Variants in CCDC82 observed in about 807,000 individuals in gnomAD.
CCDC82 encodes coiled-coil domain containing 82, also known as coiled-coil domain-containing protein 82.
Under a neutral mutation model 60.6 loss-of-function variants are expected in CCDC82, and 47 were observed. The ratio of observed to expected loss-of-function variants is 0.77; its 90% CI spans 0.61 to 0.99. The LOEUF is 0.99. CCDC82 is among the 50% of genes least tolerant of loss of function. CCDC82 has a pLI of 0.00. For missense variants in CCDC82, 588 were observed against 633.0 expected (o/e 0.93, Z 0.76); for synonymous variants, 212 against 207.4 (o/e 1.02, Z -0.19).
intron 9 of CCDC82, 106 bp downstream of exon 9, chr11:96,358,887 A>G (rs1864481239): frequency 9.1e-7 from 1 of 1,093,274 alleles, no homozygotes; most frequent in Admixed American, 2.5e-5. Flanking sequence ...CGACAGAAGA[A>G]AGAGATTCTC....
chr11:96,353,570 C>T lies in CCDC82; in HGVS notation c.*76G>A. 1 of 1,091,860 alleles carries T rather than the reference C, an allele frequency of 9.2e-7. No homozygotes were observed. The highest frequency in any genetic ancestry group is 2.4e-5 in the East Asian group (1 of 42,138). The allele number at this position is 1,091,860 out of a possible 1,614,324, so 67.6% of individuals were successfully genotyped here. A position where few individuals can be genotyped will look rare whatever the true frequency, so the allele number is the denominator to read the frequency against. On this transcript the variant is annotated 3_prime_UTR_variant, in exon 10 of 10. Transcript: ENST00000646818. Reference sequence around the variant, plus strand: ...ATATAGATAAAATGTACAAACATGTCACATGATACAGAAAAACAAGAATCA... The same window carrying T: ...ATATAGATAAAATGTACAAACATGTTACATGATACAGAAAAACAAGAATCA...
At chr11:96,381,568 C>G (rs779414010) in intron 5 of CCDC82, 5 of 151,596 alleles carry the variant, frequency 3.3e-5, no homozygotes, top group Non-Finnish European at 7.4e-5. Context: ...TGTAAAACAT[C>G]ATAAAAACAA....
chr11:96,375,002 T>TACTTCAATAGAATTTG (rs1865492379), intron 5 of CCDC82, among the ~76,000 whole-genome samples: 2 of 149,476 alleles, frequency 1.3e-5, no homozygotes, highest in African/African-American at 5.0e-5. Context: ...AAAGAAATAA[T>TACTTCAATAGAATTTG]ACTTCAATAG....
At chr11:96,380,029 G>T (rs894320594) in intron 5 of CCDC82, among the ~76,000 whole-genome samples, 3 of 151,780 alleles carry the variant, frequency 2.0e-5, no homozygotes, top group Admixed American at 1.3e-4. Flanking sequence ...ACAGAAAGTA[G>T]AAGAGCATTC....
At chr11:96,372,287 A>T in intron 6 of CCDC82, among the ~76,000 whole-genome samples, 1 of 152,192 alleles carries the variant, frequency 6.6e-6, no homozygotes, top group Non-Finnish European at 1.5e-5. Flanking sequence ...CTAGCAGATA[A>T]CATAAACTTT....
intron 7 of CCDC82, among the ~76,000 whole-genome samples, chr11:96,368,365 T>C (rs1329942230): frequency 1.3e-5 from 2 of 152,132 alleles, no homozygotes; most frequent in Non-Finnish European, 2.9e-5. Flanking sequence ...TATAAACAGA[T>C]GTGCTATCAT....
chr11:96,359,212 C>T (rs10765801), intron 8 of CCDC82, 34 bp from the exon 9 acceptor site: 1,001,243 of 1,507,136 alleles, frequency 0.66, 333,096 homozygotes, highest in Middle Eastern at 0.69. Context: ...TATCTGACAA[C>T]GAATATATAT....
chr11:96,378,748 C>T (rs1185234729), intron 5 of CCDC82, among the ~76,000 whole-genome samples: 1 of 151,926 alleles, frequency 6.6e-6, no homozygotes, highest in African/African-American at 2.4e-5. Flanking sequence ...AGTGTGTGAA[C>T]TATGTAAATG....
Position 96,383,434 on chromosome 11 carries a change from C to G in CCDC82, c.826G>C (p.Asp276His), listed in dbSNP as rs1482275897. 58 of 1,605,240 alleles carry G rather than the reference C, an allele frequency of 3.6e-5. No homozygotes were observed. Among genetic ancestry groups the G allele is most frequent in the Non-Finnish European group, 4.9e-5 (58 of 1,175,692 alleles). The change falls in exon 5 of 10, where the codon GAT becomes CAT. Residue 276 changes from aspartate to histidine, a missense_variant. Physicochemically the swap from Asp to His is moderately conservative, Grantham distance 81. Coordinates refer to ENST00000646818, the MANE Select transcript of CCDC82 (RefSeq NM_024725.4). The stretch of plus-strand genomic sequence containing the variant: ...TAATTATCCTCTTCTTCCTCCTCAT[C>G]AACTTCATCACTGCTTGGGCAAGAT... ...KESCPSSDEV[D>H]EEEEEDNYES...
At chr11:96,359,629 A>G (rs1864529251) in intron 8 of CCDC82, among the ~76,000 whole-genome samples, 1 of 141,086 alleles carries the variant, frequency 7.1e-6, no homozygotes, top group South Asian at 2.4e-4. Flanking sequence ...GAAAGGCAGA[A>G]GGATGGGCAA....
At chr11:96,382,164 TG>T (rs1865908792) in intron 5 of CCDC82, 1 of 151,556 alleles carries the variant, frequency 6.6e-6, no homozygotes, top group Non-Finnish European at 1.5e-5. Context: ...ACTGTGTGTG[TG>T]GGGGGAAAGC....
At chr11:96,373,332 A>G (rs1002452253) in intron 6 of CCDC82, 43 bp downstream of exon 6, 1 of 1,276,516 alleles carries the variant, frequency 7.8e-7, no homozygotes. Flanking sequence ...AAAATTGGAA[A>G]AAGAAATAAA....
chr11:96,386,904 T>TTA (rs1866225160), intron 2 of CCDC82: 1 of 152,254 alleles, frequency 6.6e-6, no homozygotes, highest in Admixed American at 6.5e-5. Context: ...TACACTATAC[T>TTA]GCGTTACAAT....
chr11:96,379,635 T>C (rs930829863), intron 5 of CCDC82, among the ~76,000 whole-genome samples: 3 of 151,886 alleles, frequency 2.0e-5, no homozygotes, highest in African/African-American at 7.2e-5. Flanking sequence ...TCACTCTTTT[T>C]GGTGTACAGT....
chr11:96,389,859 C>CA lies in CCDC82; in HGVS notation c.-155dup, dbSNP rs1210947692. The CA allele has an allele frequency of 2.0e-5, 3 of 153,600 alleles. No individual in the cohort carries two copies. Among genetic ancestry groups the CA allele is most frequent in the Non-Finnish European group, 4.3e-5 (3 of 69,180 alleles). 9.5% of individuals were successfully genotyped at this position (153,600 alleles called of 1,614,324 possible). On this transcript the variant is annotated 5_prime_UTR_variant, in exon 1 of 10. Coordinates refer to ENST00000646818, the MANE Select transcript of CCDC82 (RefSeq NM_024725.4). ...GCGCTCTCACCTTTCAAAGCGCCTCCACCTCTGCCTCCGCCTCCGCCCCTG... is the reference window on the plus strand; with the variant it reads ...GCGCTCTCACCTTTCAAAGCGCCTCCAACCTCTGCCTCCGCCTCCGCCCCTG...
In CCDC82 at chr11:96,383,969, T is replaced by C. The variant is rs1284917808; in HGVS notation, c.779A>G (p.Asp260Gly). 2 of 1,604,402 alleles carry C rather than the reference T, an allele frequency of 1.2e-6. No individual in the cohort carries two copies. The highest frequency in any genetic ancestry group is 1.1e-5 in the South Asian group (1 of 88,738). The change falls in exon 4 of 10, where the codon GAT (aspartate) becomes GGT (glycine). Residue 260 changes from aspartate (D) to glycine (G), a missense_variant. Transcript: ENST00000646818. ...RSRQRRSSGR[D>G]FEDSEKESCP... is the part of the protein sequence containing the mutation. ...CAACAAAATATAACACACCTCAAAA[T>C]CTCTACCACTACTGCGTCTCTGACG...
chr11:96,375,659 T>C (rs1300224775), intron 5 of CCDC82, among the ~76,000 whole-genome samples: 1 of 152,172 alleles, frequency 6.6e-6, no homozygotes, highest in African/African-American at 2.4e-5. Flanking sequence ...GATGAAAAAC[T>C]TTCCTAAGAC....
intron 8 of CCDC82, chr11:96,363,515 C>G (rs1473197235): frequency 6.6e-6 from 1 of 152,116 alleles, no homozygotes; most frequent in Non-Finnish European, 1.5e-5. Context: ...TATATAGATG[C>G]CTAGACAGTG....
intron 9 of CCDC82, chr11:96,355,385 A>G (rs908598972): frequency 1.3e-5 from 2 of 152,162 alleles, no homozygotes; most frequent in Admixed American, 1.3e-4. Flanking sequence ...TATCTCAGCT[A>G]TACTAAGATA....
Sources: gnomAD v4.1 joint callset for allele counts (sites outside exome capture counted in the v4.1 genomes callset) on GRCh38, gnomAD v4.1.1 for gene constraint, MANE v1.5 for transcripts, NCBI Gene and HGNC (gene_info 2026-07-23, HGNC 2026-07-21) for gene names.